The following CCDC50 variants were observed in gnomAD, a reference collection of about 807,000 sequenced individuals.
The protein encoded by CCDC50 is coiled-coil domain-containing protein 50.
Under a neutral mutation model 70.2 loss-of-function variants are expected in CCDC50, and 54 were observed. The ratio of observed to expected loss-of-function variants is 0.77; its 90% CI spans 0.62 to 0.96. The LOEUF is 0.96. Ranked by LOEUF, CCDC50 falls within the 50% of genes least tolerant of loss-of-function variation. The pLI is 0.00. For missense variants in CCDC50, 558 were observed against 578.7 expected (o/e 0.96, Z 0.37); for synonymous variants, 216 against 198.8 (o/e 1.09, Z -0.73).
intron 1 of CCDC50, among the ~76,000 whole-genome samples, chr3:191,331,924 A>G (rs1475514424): frequency 6.6e-6 from 1 of 152,216 alleles, no homozygotes; most frequent in Non-Finnish European, 1.5e-5. Flanking sequence ...TTAGTTTAAT[A>G]TTCTGATGCA....
Position 191,397,060 on chromosome 3 carries a change from A to G in CCDC50, c.*5300A>G, listed in dbSNP as rs1241619172. The G allele has an allele frequency of 2.0e-5, 3 of 152,200 alleles. No homozygotes were observed. The highest frequency in any genetic ancestry group is 7.2e-5 in the African/African-American group (3 of 41,450). The allele number at this position is 152,200 out of a possible 1,614,324, so 9.4% of individuals were successfully genotyped here. ...CAGATAAGGGCATAATTAATTGTGT[A>G]ACTTAATGCCCTGTTATTCATTGCT... On this transcript the variant is annotated 3_prime_UTR_variant, in exon 12 of 12. Transcript: ENST00000392455.
At chr3:191,346,870 C>G (rs1206794828) in intron 1 of CCDC50, among the ~76,000 whole-genome samples, 2 of 152,068 alleles carry the variant, frequency 1.3e-5, no homozygotes, top group East Asian at 1.9e-4. Context: ...GATAGTGTAT[C>G]TATAATTTTA....
intron 1 of CCDC50, among the ~76,000 whole-genome samples, chr3:191,343,953 A>T (rs1711821450): frequency 6.6e-6 from 1 of 152,202 alleles, no homozygotes; most frequent in African/African-American, 2.4e-5. Context: ...TAAATGTAGG[A>T]TAACTCTTAA....
In CCDC50 at chr3:191,389,563, T is replaced by C; in HGVS notation, c.1390T>C (p.Ser464Pro). ...DYTHFTNQQS[S>P]TRHFSKSESS... ...CACTCATTTTACAAACCAGCAGAGT[T>C]CCACACGGCATTTCTCAAAATCAGA... Residue 464 changes from serine (S) to proline (P), a missense_variant, in exon 11 of 12, where the codon TCC becomes CCC. Coordinates refer to ENST00000392455, the MANE Select transcript of CCDC50 (RefSeq NM_178335.3). 6.2e-7 allele frequency: 1 copy of C among 1,614,078 alleles called. No homozygotes were observed. Among genetic ancestry groups the C allele is most frequent in the Non-Finnish European group, 8.5e-7 (1 of 1,179,938 alleles).
In CCDC50 at chr3:191,389,403, A is replaced by G. The variant is rs436393; in HGVS notation, c.1323-93A>G. 0.5 allele frequency: 553,303 copies of G among 1,108,468 alleles called. 143,625 individuals carry two copies. Among genetic ancestry groups the G allele is most frequent in the Non-Finnish European group, 0.54 (389,264 of 719,680 alleles). The allele number at this position is 1,108,468 out of a possible 1,614,324, so 68.7% of individuals were successfully genotyped here. A position where few individuals can be genotyped will look rare whatever the true frequency, so the allele number is the denominator to read the frequency against. On this transcript the variant is annotated intron_variant, in intron 10 of 11. Transcript: ENST00000392455. ...GAAGCATTTTGGCTTTTCATTTCACAAGAAAATGTTTTTAGCTTGCAATCC... is the reference window on the plus strand; with the variant it reads ...GAAGCATTTTGGCTTTTCATTTCACGAGAAAATGTTTTTAGCTTGCAATCC...
intron 1 of CCDC50, among the ~76,000 whole-genome samples, chr3:191,332,266 T>C (rs1718014873): frequency 1.3e-5 from 2 of 152,198 alleles, no homozygotes; most frequent in Non-Finnish European, 2.9e-5. Context: ...AAGTCAAAAA[T>C]ATTCATCATT....
Position 191,395,168 on chromosome 3 carries a change from T to C in CCDC50, c.*3408T>C, listed in dbSNP as rs1456799055. On this transcript the variant is annotated 3_prime_UTR_variant, in exon 12 of 12. Coordinates refer to ENST00000392455, the MANE Select transcript of CCDC50 (RefSeq NM_178335.3). ...TGTTTACTGAACTCACTCTAGAAAATTCTGGACCTGATTCATTAACCCCGC... is the reference window on the plus strand; with the variant it reads ...TGTTTACTGAACTCACTCTAGAAAACTCTGGACCTGATTCATTAACCCCGC... 1 of 152,122 alleles carries C rather than the reference T, an allele frequency of 6.6e-6. No individual in the cohort carries two copies. Among genetic ancestry groups the C allele is most frequent in the African/African-American group, 2.4e-5 (1 of 41,430 alleles). 9.4% of individuals were successfully genotyped at this position (152,122 alleles called of 1,614,324 possible). A position where few individuals can be genotyped will look rare whatever the true frequency, so the allele number is the denominator to read the frequency against.
chr3:191,393,847 A>C lies in CCDC50; in HGVS notation c.*2087A>C, dbSNP rs1713774520. ...CCTGTGATTTCGCTTCGTGTCCTTC[A>C]AAGTTTTTTTATTGTAATTTTAAAG... is the stretch of plus-strand genomic sequence containing the variant. On this transcript the variant is annotated 3_prime_UTR_variant, in exon 12 of 12. Coordinates refer to ENST00000392455, the MANE Select transcript of CCDC50 (RefSeq NM_178335.3). 6.6e-6 allele frequency: 1 copy of C among 152,130 alleles called. No homozygotes were observed. The highest frequency in any genetic ancestry group is 6.5e-5 in the Admixed American group (1 of 15,272). The allele number at this position is 152,130 out of a possible 1,614,324, so 9.4% of individuals were successfully genotyped here. A position where few individuals can be genotyped will look rare whatever the true frequency, so the allele number is the denominator to read the frequency against.
At chr3:191,347,753 CTGT>C (rs1711974385) in intron 1 of CCDC50, among the ~76,000 whole-genome samples, 1 of 142,054 alleles carries the variant, frequency 7.0e-6, no homozygotes, top group Non-Finnish European at 1.6e-5. Context: ...AAGGAATTTA[CTGT>C]TGTTTGAGGT....
chr3:191,390,760 A>G (rs1713665401), intron 11 of CCDC50, among the ~76,000 whole-genome samples: 1 of 152,198 alleles, frequency 6.6e-6, no homozygotes, highest in Non-Finnish European at 1.5e-5. Flanking sequence ...CAAGGTCTTC[A>G]TGACCTGTGT....
At chr3:191,330,676 C>G (rs1717950462) in intron 1 of CCDC50, 1 of 152,184 alleles carries the variant, frequency 6.6e-6, no homozygotes, top group African/African-American at 2.4e-5. Context: ...CCTGAGGCGT[C>G]TTGGAGATGT....
In CCDC50 at chr3:191,380,914, G is replaced by C; in HGVS notation, c.1224G>C (p.Lys408Asn). 6.2e-7 allele frequency: 1 copy of C among 1,612,428 alleles called. No individual in the cohort carries two copies. ...AGAAATCATCTTTGGACAAAAGAAA[G>C]CAAGACCCCGAGTGGAAGGTAGAGT... ...EREKSSLDKR[K>N]QDPEWKPKTA... The change falls in exon 9 of 12, where the codon AAG becomes AAC. Residue 408 changes from lysine to asparagine, a missense_variant. By Grantham distance (94) the Lys-to-Asn change is moderately conservative (BLOSUM62 0). Coordinates refer to ENST00000392455, the MANE Select transcript of CCDC50 (RefSeq NM_178335.3).
intron 1 of CCDC50, among the ~76,000 whole-genome samples, chr3:191,345,476 G>T (rs1274591929): frequency 6.6e-6 from 1 of 151,982 alleles, no homozygotes; most frequent in Non-Finnish European, 1.5e-5. Flanking sequence ...CAGATCATTT[G>T]TGCTGTCAGA....
intron 1 of CCDC50, among the ~76,000 whole-genome samples, chr3:191,356,062 G>A (rs1279981912): frequency 6.6e-6 from 1 of 152,176 alleles, no homozygotes; most frequent in East Asian, 1.9e-4. Context: ...CTTTTCCTAA[G>A]CCCTGGGGAA....
intron 4 of CCDC50, among the ~76,000 whole-genome samples, chr3:191,363,191 A>G (rs1298088117): frequency 6.6e-6 from 1 of 152,186 alleles, no homozygotes. Flanking sequence ...TGGTAATACT[A>G]TATAAAATTA....
intron 9 of CCDC50, 146 bp from the exon 10 acceptor site, chr3:191,382,600 C>T (rs1036908171): frequency 3.6e-5 from 22 of 614,144 alleles, no homozygotes; most frequent in Non-Finnish European, 5.9e-5. Flanking sequence ...TTTTATGTTC[C>T]TCAATTAAAT....
At chr3:191,369,448 A>C (rs530234472) in intron 4 of CCDC50, among the ~76,000 whole-genome samples, 2 of 152,276 alleles carry the variant, frequency 1.3e-5, no homozygotes, top group Admixed American at 1.3e-4. Context: ...GGGAGACAGA[A>C]GGAAGATTGT....
chr3:191,352,316 A>G (rs1464301554), intron 1 of CCDC50, among the ~76,000 whole-genome samples: 1 of 141,874 alleles, frequency 7.0e-6, no homozygotes, highest in Non-Finnish European at 1.6e-5. Flanking sequence ...GGAGATCAAC[A>G]ACTCAATGAA....
rs966009070 is a variant in CCDC50 at position 191,396,065 on chromosome 3, C to T, written c.*4305C>T. ...ATATTAAAGAGTCAGGATATTGTTG[C>T]TCCTGGTATTTAACAACTGTCATTA... On this transcript the variant is annotated 3_prime_UTR_variant, in exon 12 of 12. Coordinates refer to ENST00000392455, the MANE Select transcript of CCDC50 (RefSeq NM_178335.3). 37 of 152,140 alleles carry T rather than the reference C, an allele frequency of 2.4e-4. No homozygotes were observed. 9.4% of individuals were successfully genotyped at this position (152,140 alleles called of 1,614,324 possible). A position where few individuals can be genotyped will look rare whatever the true frequency, so the allele number is the denominator to read the frequency against.
Sources: gnomAD v4.1 joint callset for allele counts (sites outside exome capture counted in the v4.1 genomes callset) on GRCh38, gnomAD v4.1.1 for gene constraint, MANE v1.5 for transcripts, NCBI Gene and HGNC (gene_info 2026-07-23, HGNC 2026-07-21) for gene names.